Variants in FAM227B observed in about 807,000 individuals in gnomAD.
FAM227B encodes protein FAM227B.
Under a neutral mutation model 73.8 loss-of-function variants are expected in FAM227B, and 88 were observed. That is an observed-to-expected ratio of 1.19 (90% CI 1.00 to 1.42). The LOEUF is 1.42. Among genes scored for constraint, FAM227B ranks in the 40% most tolerant of loss-of-function variants. The pLI, the probability that FAM227B is intolerant of heterozygous loss-of-function variation, is 0.00. For missense variants in FAM227B, 632 were observed against 590.9 expected (o/e 1.07, Z -0.72); for synonymous variants, 210 against 190.5 (o/e 1.10, Z -0.84).
intron 10 of FAM227B, among the ~76,000 whole-genome samples, chr15:49,516,991 G>A (rs2059421870): frequency 6.6e-6 from 1 of 152,160 alleles, no homozygotes; most frequent in Non-Finnish European, 1.5e-5. Context: ...AGAGCTTTTA[G>A]AAGCTACAAA....
chr15:49,563,840 CAAGATGGATTA>C (rs1335676333), intron 9 of FAM227B, among the ~76,000 whole-genome samples: 2 of 152,116 alleles, frequency 1.3e-5, no homozygotes, highest in African/African-American at 4.8e-5. Flanking sequence ...AAGATTGACT[CAAGATGGATTA>C]AAGACAAATA....
At chr15:49,481,515 C>T (rs533718675) in intron 11 of FAM227B, among the ~76,000 whole-genome samples, 6 of 152,268 alleles carry the variant, frequency 3.9e-5, no homozygotes, top group Admixed American at 3.9e-4. Flanking sequence ...ATGTGTTGAA[C>T]GTTACATGAA....
At chr15:49,568,163 T>C in intron 9 of FAM227B, 82 bp downstream of exon 9, 2 of 1,205,876 alleles carry the variant, frequency 1.7e-6, no homozygotes, top group Non-Finnish European at 2.3e-6. Context: ...TATATTCTCA[T>C]ATGGGTTTAA....
chr15:49,489,803 T>TTATATATATATATATATTATA, intron 11 of FAM227B, among the ~76,000 whole-genome samples: 1 of 57,314 alleles, frequency 1.7e-5, no homozygotes, highest in Non-Finnish European at 3.7e-5. Flanking sequence ...TATATATATT[T>TTATATATATATATATATTATA]TATATATATA....
At chr15:49,468,075 C>T (rs2054422314) in intron 11 of FAM227B, among the ~76,000 whole-genome samples, 1 of 152,090 alleles carries the variant, frequency 6.6e-6, no homozygotes, top group Admixed American at 6.6e-5. Flanking sequence ...ATAATTGTAC[C>T]ACATGCTGAT....
At chr15:49,393,745 T>C (rs1423936876) in intron 11 of FAM227B, among the ~76,000 whole-genome samples, 1 of 152,052 alleles carries the variant, frequency 6.6e-6, no homozygotes, top group Non-Finnish European at 1.5e-5. Flanking sequence ...ACTAACTGAA[T>C]CCAAACTTAA....
intron 1 of FAM227B, among the ~76,000 whole-genome samples, chr15:49,616,814 A>G (rs968229774): frequency 6.6e-6 from 1 of 151,918 alleles, no homozygotes; most frequent in African/African-American, 2.4e-5. Flanking sequence ...GTATTTTGAT[A>G]TAAATATTTA....
rs189191295 is a variant in FAM227B at position 49,560,014 on chromosome 15, C to T, written c.747+8231G>A. On this transcript the variant is annotated intron_variant, in intron 9 of 15. Coordinates refer to ENST00000299338, the MANE Select transcript of FAM227B (RefSeq NM_152647.3). Reference sequence around the variant, plus strand: ...CACCAAAAGATCACTCTAGTTCCTCCGCAATGGTTCCTGACCAAAAAAGAA... The same window carrying T: ...CACCAAAAGATCACTCTAGTTCCTCTGCAATGGTTCCTGACCAAAAAAGAA... 4.1e-4 allele frequency among the ~76,000 whole-genome samples: 63 copies of T among 151,982 alleles called. 1 individual carries two copies. Among genetic ancestry groups the T allele is most frequent in the Admixed American group, 3.3e-3 (50 of 15,262 alleles).
intron 11 of FAM227B, chr15:49,395,935 T>G (rs1414668249): frequency 2.2e-6 from 1 of 455,972 alleles, no homozygotes; most frequent in Non-Finnish European, 4.4e-6. Flanking sequence ...GAATGCCATG[T>G]CCAAAGAACA....
At chr15:49,331,724 C>T (rs2038792742) in intron 15 of FAM227B, 56 bp downstream of exon 15, 1 of 1,065,364 alleles carries the variant, frequency 9.4e-7, no homozygotes, top group African/African-American at 1.6e-5. Context: ...ATTGTCCAGT[C>T]TATATAAAAG....
intron 11 of FAM227B, among the ~76,000 whole-genome samples, chr15:49,481,482 C>T (rs1425643366): frequency 6.6e-6 from 1 of 152,206 alleles, no homozygotes; most frequent in East Asian, 1.9e-4. Context: ...TTAAGCCTAG[C>T]ATAGAATTGG....
rs574216743 is a variant in FAM227B at position 49,509,506 on chromosome 15, G to A, written c.875-1158C>T. Among the ~76,000 whole-genome samples the A allele has an allele frequency of 8.7e-4, 133 of 152,022 alleles. 5 individuals are homozygous for A. In the South Asian group the frequency reaches 0.026, roughly 30 times the overall value. On this transcript the variant is annotated intron_variant, in intron 10 of 15. Coordinates refer to ENST00000299338, the MANE Select transcript of FAM227B (RefSeq NM_152647.3). ...AGTCATTTCAATCTAGTCCCTGTCT[G>A]CCATCAAGGCAGACGTGAAATTATT... is the stretch of plus-strand genomic sequence containing the variant.
At chr15:49,360,472 A>G (rs1223290607) in intron 13 of FAM227B, among the ~76,000 whole-genome samples, 1 of 152,180 alleles carries the variant, frequency 6.6e-6, no homozygotes, top group Non-Finnish European at 1.5e-5. Context: ...TTTTTAAATA[A>G]TTTGCATTTT....
intron 11 of FAM227B, among the ~76,000 whole-genome samples, chr15:49,500,340 A>C (rs7183313): frequency 0.3 from 45,089 of 152,254 alleles, 7,012 homozygotes; most frequent in East Asian, 0.38. Context: ...ATAACCTGTG[A>C]GAGCAGCTGT....
intron 11 of FAM227B, among the ~76,000 whole-genome samples, chr15:49,372,584 T>A (rs28687437): frequency 6.6e-6 from 1 of 152,116 alleles, no homozygotes; most frequent in East Asian, 1.9e-4. Flanking sequence ...TCCTTTCAAC[T>A]GGCATGAATA....
At chr15:49,416,146 C>A (rs2049196125) in intron 11 of FAM227B, among the ~76,000 whole-genome samples, 1 of 102,412 alleles carries the variant, frequency 9.8e-6, no homozygotes, top group South Asian at 4.2e-4. Context: ...TCCACCCCAC[C>A]CCCCACCCCC....
chr15:49,384,870 GATTGGGACATTT>G (rs2046781946), intron 11 of FAM227B, among the ~76,000 whole-genome samples: 1 of 151,760 alleles, frequency 6.6e-6, no homozygotes, highest in Admixed American at 6.6e-5. Context: ...ATTTTTAATT[GATTGGGACATTT>G]ATTGGAACAA....
intron 3 of FAM227B, 32 bp downstream of exon 3, chr15:49,611,183 T>C (rs369514390): frequency 4.5e-6 from 6 of 1,321,604 alleles, no homozygotes; most frequent in Non-Finnish European, 6.5e-6. Flanking sequence ...TAAAATGATG[T>C]AATGGCACAT....
chr15:49,507,676 T>C (rs946373307), intron 11 of FAM227B, among the ~76,000 whole-genome samples: 3 of 152,046 alleles, frequency 2.0e-5, no homozygotes, highest in Non-Finnish European at 2.9e-5. Context: ...TGTAAATGAA[T>C]TGGTATTTCA....
Sources: allele counts gnomAD v4.1 joint callset (sites outside exome capture counted in the v4.1 genomes callset), GRCh38; gene constraint gnomAD v4.1.1; transcripts MANE v1.5; gene names NCBI Gene and HGNC (gene_info 2026-07-23, HGNC 2026-07-21).